The following RPGRIP1 variants were observed in gnomAD, a reference collection of about 807,000 sequenced individuals.
RPGRIP1 encodes the protein RPGR interacting protein 1, also known as X-linked retinitis pigmentosa GTPase regulator-interacting protein 1.
RPGRIP1 carries 128 observed loss-of-function variants against 157.9 expected under a neutral mutation model. That is an observed-to-expected ratio of 0.81 (90% CI 0.70 to 0.94). The LOEUF (loss-of-function observed/expected upper bound fraction) is 0.94. Ranked by LOEUF, RPGRIP1 falls within the 40% of genes least tolerant of loss-of-function variation. RPGRIP1 has a pLI of 0.00. For synonymous variants in RPGRIP1, 554 were observed against 571.6 expected (o/e 0.97, Z 0.44); for missense variants, 1,486 against 1,545.8 (o/e 0.96, Z 0.65).
intron 23 of RPGRIP1, 139 bp downstream of exon 23, chr14:21,345,336 T>C: frequency 3.3e-6 from 2 of 599,002 alleles, no homozygotes; most frequent in Non-Finnish European, 5.9e-6. Context: ...TCCTATGTAC[T>C]TGAGTATAAT....
chr14:21,294,525 G>A (rs1880678776), intron 2 of RPGRIP1, among the ~76,000 whole-genome samples, 152 bp from the exon 3 acceptor site: 1 of 152,112 alleles, frequency 6.6e-6, no homozygotes, highest in Admixed American at 6.6e-5. Context: ...ACTGCGCCTG[G>A]CCCAGAGTCA....
At chr14:21,308,289 A>G (rs894217634) in intron 7 of RPGRIP1, among the ~76,000 whole-genome samples, 3 of 152,232 alleles carry the variant, frequency 2.0e-5, no homozygotes, top group East Asian at 1.9e-4. Context: ...AAGTATATTT[A>G]GCATTAGCAC....
In RPGRIP1 at chr14:21,337,271, T is replaced by C. The variant is rs1884461184; in HGVS notation, c.3339+2566T>C. On this transcript the variant is annotated intron_variant, in intron 21 of 24. Coordinates refer to ENST00000400017, the MANE Select transcript of RPGRIP1 (RefSeq NM_020366.4). ...CTCTATTAGGCCTTGTCTCCTTATC[T>C]GTAAAATGGTAGTATTAAGTATACC... Among the ~76,000 whole-genome samples the C allele has an allele frequency of 2.0e-5, 3 of 152,152 alleles. No individual in the cohort carries two copies. In the South Asian group the frequency reaches 6.2e-4, roughly 32 times the overall value.
intron 21 of RPGRIP1, among the ~76,000 whole-genome samples, chr14:21,338,108 G>A (rs1322539483): frequency 6.6e-6 from 1 of 152,066 alleles, no homozygotes; most frequent in South Asian, 2.1e-4. Flanking sequence ...AGTAGAGATG[G>A]GGTTTCACCG....
chr14:21,329,780 G>T (rs2139260249), intron 19 of RPGRIP1, among the ~76,000 whole-genome samples: 1 of 151,130 alleles, frequency 6.6e-6, no homozygotes, highest in African/African-American at 2.4e-5. Flanking sequence ...ATAGGCGTGA[G>T]CCACCATGCC....
intron 1 of RPGRIP1, among the ~76,000 whole-genome samples, chr14:21,282,341 A>G (rs1880161483): frequency 6.6e-6 from 1 of 151,736 alleles, no homozygotes; most frequent in South Asian, 2.1e-4. Context: ...GGTTCAAGCA[A>G]TTCCCCTGCC....
chr14:21,293,578 A>G (rs376598108), intron 2 of RPGRIP1, among the ~76,000 whole-genome samples: 5 of 152,178 alleles, frequency 3.3e-5, no homozygotes, highest in East Asian at 3.9e-4. Flanking sequence ...CCCTGTCTCT[A>G]CTAAAAATAC....
chr14:21,326,940 G>A (rs1163479980), intron 17 of RPGRIP1, among the ~76,000 whole-genome samples: 1 of 151,924 alleles, frequency 6.6e-6, no homozygotes, highest in East Asian at 1.9e-4. Context: ...ACCTAGGATT[G>A]TGGGGGTGTA....
Position 21,327,643 on chromosome 14 carries a change from C to G in RPGRIP1, c.2731C>G (p.Pro911Ala), listed in dbSNP as rs1357496245. 1.2e-6 allele frequency: 2 copies of G among 1,613,840 alleles called. No individual in the cohort carries two copies. Among genetic ancestry groups the G allele is most frequent in the Non-Finnish European group, 1.7e-6 (2 of 1,179,818 alleles). The change falls in exon 18 of 25, where the codon CCT becomes GCT. Residue 911 changes from proline to alanine, a missense_variant. Pro to Ala is a conservative substitution (Grantham distance 27). Transcript: ENST00000400017. ...CTCAGGTGATTTTAACCTCACTGAC[C>G]CTGCAGAGAAACCCAACGGATCTAT... is the stretch of plus-strand genomic sequence containing the variant. ...SIKGDFNLTD[P>A]AEKPNGSIQV...
At chr14:21,289,462 C>T (rs899093044) in intron 2 of RPGRIP1, among the ~76,000 whole-genome samples, 1 of 152,226 alleles carries the variant, frequency 6.6e-6, no homozygotes, top group East Asian at 1.9e-4. Flanking sequence ...GGCAACATAG[C>T]AGTACCCTAT....
chr14:21,301,127 A>G lies in RPGRIP1; in HGVS notation c.380A>G (p.His127Arg), dbSNP rs2139156675. The change falls in exon 4 of 25, where the codon CAT becomes CGT. Residue 127 changes from histidine (H) to arginine (R), a missense_variant. Coordinates refer to ENST00000400017, the MANE Select transcript of RPGRIP1 (RefSeq NM_020366.4). Reference protein sequence around the residue: ...QRPQMHRLQGHFHCVGPASPR... With the variant: ...QRPQMHRLQGRFHCVGPASPR... Reference sequence around the variant, plus strand: ...CCCCAGATGCACCGACTGCAAGGGCATTTCCACTGCGTCGGCCCTGCCAGC... The same window carrying G: ...CCCCAGATGCACCGACTGCAAGGGCGTTTCCACTGCGTCGGCCCTGCCAGC... 5 of 1,605,224 alleles carry G rather than the reference A, an allele frequency of 3.1e-6. No homozygotes were observed. Among genetic ancestry groups the G allele is most frequent in the Non-Finnish European group, 4.3e-6 (5 of 1,175,896 alleles).
intron 1 of RPGRIP1, among the ~76,000 whole-genome samples, chr14:21,281,884 G>T (rs564975670): frequency 6.6e-6 from 1 of 151,636 alleles, no homozygotes; most frequent in Non-Finnish European, 1.5e-5. Flanking sequence ...CCCAAGGTCC[G>T]GAGTTCGAGA....
chr14:21,284,322 C>T (rs1484023893), intron 1 of RPGRIP1, among the ~76,000 whole-genome samples: 1 of 152,102 alleles, frequency 6.6e-6, no homozygotes, highest in African/African-American at 2.4e-5. Context: ...GGGCACAAGA[C>T]TCTACTATAG....
chr14:21,347,760 G>A (rs774830263), intron 23 of RPGRIP1, among the ~76,000 whole-genome samples: 3 of 152,202 alleles, frequency 2.0e-5, no homozygotes, highest in East Asian at 3.9e-4. Context: ...ACTGGGTCTC[G>A]TTCTGTCACC....
At position 21,312,492 on chromosome 14, in the gene RPGRIP1, CA is replaced by C. The variant is rs1881582510; in HGVS notation, c.1140del (p.Lys380AsnfsTer3). 1 of 1,609,838 alleles carries C rather than the reference CA, an allele frequency of 6.2e-7. No homozygotes were observed. Among genetic ancestry groups the C allele is most frequent in the South Asian group, 1.1e-5 (1 of 90,546 alleles). ...GAAAATTGCTGAATGACAATTATGACAAACTCTTAGAAAGGTGAGTACCACA... is the reference window on the plus strand; with the variant it reads ...GAAAATTGCTGAATGACAATTATGACAACTCTTAGAAAGGTGAGTACCACA... Reference protein sequence around the residue: ...ERKLLNDNYDKLLESMLDSSD... With the variant: ...ERKLLNDNYDXLLESMLDSSD... On this transcript the variant is annotated frameshift_variant, in exon 10 of 25. Coordinates refer to ENST00000400017, the MANE Select transcript of RPGRIP1 (RefSeq NM_020366.4). LOFTEE classifies it high-confidence loss of function.
chr14:21,347,372 TC>T (rs1357142453), intron 23 of RPGRIP1, among the ~76,000 whole-genome samples: 1 of 152,252 alleles, frequency 6.6e-6, no homozygotes, highest in African/African-American at 2.4e-5. Flanking sequence ...CTAGTTATCA[TC>T]CCTTTCCTAT....
At position 21,328,603 on chromosome 14, in the gene RPGRIP1, C is replaced by T. The variant is rs1402279569; in HGVS notation, c.3075C>T (p.Asn1025=). 2 of 1,613,046 alleles carry T rather than the reference C, an allele frequency of 1.2e-6. No individual in the cohort carries two copies. Among genetic ancestry groups the T allele is most frequent in the Admixed American group, 3.3e-5 (2 of 59,972 alleles). ...ATAGAATGGAGTATCTTAGCCTTAA[C>T]ATCTTAAATGGAAATACACCAGAGG... is the stretch of plus-strand genomic sequence containing the variant. The part of the protein sequence containing the change: ...GKNRMEYLSL[N]ILNGNTPEQV... Residue 1025 remains asparagine (N), a synonymous_variant, in exon 19 of 25, where the codon AAC becomes AAT. Transcript: ENST00000400017.
At chr14:21,285,055 G>A (rs1478953183) in intron 1 of RPGRIP1, among the ~76,000 whole-genome samples, 1 of 150,538 alleles carries the variant, frequency 6.6e-6, no homozygotes, top group Admixed American at 6.6e-5. Context: ...AGGTAAACAA[G>A]ATAAACCATT....
At chr14:21,310,658 C>G (rs1000250149) in intron 8 of RPGRIP1, 51 bp downstream of exon 8, 14 of 1,096,974 alleles carry the variant, frequency 1.3e-5, no homozygotes, top group Non-Finnish European at 1.9e-5. Flanking sequence ...AATAATCAAA[C>G]CCAAAGAAAT....
Sources: gnomAD v4.1 joint callset for allele counts (sites outside exome capture counted in the v4.1 genomes callset) on GRCh38, gnomAD v4.1.1 for gene constraint, MANE v1.5 for transcripts, NCBI Gene and HGNC (gene_info 2026-07-23, HGNC 2026-07-21) for gene names.